SLC28A1: variants seen among roughly 807,000 people sequenced by gnomAD.
SLC28A1 encodes sodium/nucleoside cotransporter 1.
Under a neutral mutation model 74.8 loss-of-function variants are expected in SLC28A1, and 64 were observed. That is an observed-to-expected ratio of 0.86 (90% CI 0.70 to 1.05). The LOEUF is 1.05. Among genes scored for constraint, SLC28A1 ranks in the 50% least tolerant of loss-of-function variants. SLC28A1 has a pLI of 0.00. For missense variants in SLC28A1, 828 were observed against 822.8 expected (o/e 1.01, Z -0.08); for synonymous variants, 359 against 335.0 (o/e 1.07, Z -0.78).
intron 9 of SLC28A1, among the ~76,000 whole-genome samples, chr15:84,915,516 A>G (rs535472782): frequency 3.1e-4 from 47 of 152,216 alleles, no homozygotes; most frequent in African/African-American, 1.1e-3. Flanking sequence ...TGCTTCTTGC[A>G]AGGGCTGTCC....
chr15:84,897,000 G>A (rs1966074060), intron 6 of SLC28A1, among the ~76,000 whole-genome samples: 2 of 152,072 alleles, frequency 1.3e-5, no homozygotes, highest in Admixed American at 6.5e-5. Context: ...CAGTGGTTTG[G>A]GGTTTCTCTT....
At chr15:84,967,839 G>C in the SLC28A1 span, among the ~76,000 whole-genome samples, 1 of 152,196 alleles carries the variant, frequency 6.6e-6, no homozygotes, top group African/African-American at 2.4e-5. Context: ...GTCTGGGTTT[G>C]TGGGTGAGTC....
At chr15:84,961,552 G>A in the SLC28A1 span, 32 of 452,244 alleles carry the variant, frequency 7.1e-5, no homozygotes, top group African/African-American at 6.4e-4. Flanking sequence ...TGTTGACCAG[G>A]CTGGTCTTGA....
At position 84,943,532 on chromosome 15, in the gene SLC28A1, T is replaced by C; in HGVS notation, c.1663+6T>C. 6.2e-7 allele frequency: 1 copy of C among 1,609,206 alleles called. No individual in the cohort carries two copies. On this transcript the variant is annotated splice_donor_region_variant and intron_variant, in intron 16 of 18. Transcript: ENST00000394573. ...GATCATGCTGGGAGGCTTGAGTGAG[T>C]CTAATCAGGGCCTCACCAGTGTCTA...
the SLC28A1 span, among the ~76,000 whole-genome samples, chr15:84,952,045 G>C: frequency 6.6e-6 from 1 of 152,136 alleles, no homozygotes; most frequent in Admixed American, 6.5e-5. Context: ...ACAGTGACCT[G>C]ATCCACTGGT....
chr15:84,920,867 T>A, intron 10 of SLC28A1, 122 bp from the exon 11 acceptor site: 1 of 791,112 alleles, frequency 1.3e-6, no homozygotes, highest in South Asian at 1.4e-5. Context: ...AAAATGTAGA[T>A]GAAGGGGTCC....
rs1029896572 is a variant in SLC28A1 at position 84,905,553 on chromosome 15, C to T, written c.618C>T (p.Ala206=). The change falls in exon 8 of 19, where the codon GCC becomes GCT. Residue 206 remains alanine (A), a synonymous_variant. Coordinates refer to ENST00000394573, the MANE Select transcript of SLC28A1 (RefSeq NM_004213.5). ...SKHHCAVSWR[A]VSWGLGLQFV... ...TGGGGTGGTAGGTGTCCTGGAGGGC[C>T]GTGTCTTGGGGACTTGGACTGCAGT... The T allele has an allele frequency of 4.3e-6, 7 of 1,612,526 alleles. No individual in the cohort carries two copies. Among genetic ancestry groups the T allele is most frequent in the Middle Eastern group, 1.6e-4 (1 of 6,082 alleles).
At chr15:84,931,359 G>A (rs1041945440) in intron 12 of SLC28A1, among the ~76,000 whole-genome samples, 8 of 151,810 alleles carry the variant, frequency 5.3e-5, no homozygotes, top group African/African-American at 1.5e-4. Context: ...AAATATTGTT[G>A]TGGACATTTT....
At chr15:84,965,003 C>A in the SLC28A1 span, among the ~76,000 whole-genome samples, 2 of 152,158 alleles carry the variant, frequency 1.3e-5, no homozygotes, top group African/African-American at 4.8e-5. Flanking sequence ...GTATGGAATG[C>A]CAGTGCTTGG....
chr15:84,905,528 T>TG lies in SLC28A1; in HGVS notation c.604-7dup. On this transcript the variant is annotated splice_polypyrimidine_tract_variant and intron_variant, in intron 7 of 18. Transcript: ENST00000394573. ...GAACTGAACTCAGCTTTCTGTTGGG[T>TG]GGGGTGGTAGGTGTCCTGGAGGGCC... The TG allele has an allele frequency of 6.4e-7, 1 of 1,573,756 alleles. No homozygotes were observed. Among genetic ancestry groups the TG allele is most frequent in the African/African-American group, 1.3e-5 (1 of 74,082 alleles).
At chr15:84,937,759 G>T (rs1972111929) in intron 15 of SLC28A1, among the ~76,000 whole-genome samples, 1 of 151,514 alleles carries the variant, frequency 6.6e-6, no homozygotes, top group South Asian at 2.1e-4. Context: ...AAAATCAGTG[G>T]TTGTGTTGGA....
chr15:84,905,392 G>A, intron 7 of SLC28A1, 147 bp from the exon 8 acceptor site: 1 of 675,490 alleles, frequency 1.5e-6, no homozygotes, highest in Admixed American at 2.1e-5. Context: ...CCCAGGGAGG[G>A]TGTGACCACT....
chr15:84,963,337 G>A, the SLC28A1 span, among the ~76,000 whole-genome samples: 5 of 152,144 alleles, frequency 3.3e-5, no homozygotes, highest in African/African-American at 1.2e-4. Context: ...CTCCCCAGGA[G>A]TGGGCATCCA....
chr15:84,950,359 CT>C (rs571049176), downstream of SLC28A1, among the ~76,000 whole-genome samples: 38 of 127,590 alleles, frequency 3.0e-4, no homozygotes, highest in Admixed American at 1.9e-3. Context: ...CGCCAGTCTC[CT>C]TTTTTTTTTT....
chr15:84,961,109 C>T, the SLC28A1 span, among the ~76,000 whole-genome samples: 1 of 152,118 alleles, frequency 6.6e-6, no homozygotes, highest in Non-Finnish European at 1.5e-5. Context: ...CACCTCCGAA[C>T]TCGTAGGGGT....
the SLC28A1 span, among the ~76,000 whole-genome samples, chr15:84,953,456 A>C: frequency 6.6e-6 from 1 of 152,170 alleles, no homozygotes; most frequent in Non-Finnish European, 1.5e-5. Context: ...AGCCTGAGCC[A>C]GGTGGCTCAC....
At chr15:84,903,397 C>G (rs1046968740) in intron 6 of SLC28A1, among the ~76,000 whole-genome samples, 1 of 152,212 alleles carries the variant, frequency 6.6e-6, no homozygotes, top group Non-Finnish European at 1.5e-5. Context: ...TCTCTCGCAT[C>G]GGTATAGTAC....
intron 9 of SLC28A1, among the ~76,000 whole-genome samples, chr15:84,913,106 G>A (rs775444733): frequency 1.3e-5 from 2 of 152,268 alleles, no homozygotes; most frequent in South Asian, 2.1e-4. Flanking sequence ...ATCAGGAGGC[G>A]TAGCTAGGTT....
chr15:84,972,578 A>G, the SLC28A1 span, among the ~76,000 whole-genome samples: 13 of 152,198 alleles, frequency 8.5e-5, no homozygotes, highest in African/African-American at 3.1e-4. Context: ...CACCTTCACA[A>G]TAATCTCAAT....
Sources: gnomAD v4.1 joint callset for allele counts (sites outside exome capture counted in the v4.1 genomes callset) on GRCh38, gnomAD v4.1.1 for gene constraint, MANE v1.5 for transcripts, NCBI Gene and HGNC (gene_info 2026-07-23, HGNC 2026-07-21) for gene names.